Variants in SGCZ observed in about 807,000 individuals in gnomAD.
SGCZ encodes zeta-sarcoglycan.
SGCZ carries 40 observed loss-of-function variants against 41.3 expected under a neutral mutation model. That is an observed-to-expected ratio of 0.97 (90% CI 0.75 to 1.26). SGCZ has a LOEUF of 1.26. SGCZ is among the 50% of genes most tolerant of loss of function. The probability of loss-of-function intolerance (pLI) is 0.00; values close to 1 mark genes in which losing one functional copy is unlikely to be tolerated. For synonymous variants in SGCZ, 206 were observed against 137.5 expected (o/e 1.50, Z -3.49); for missense variants, 552 against 369.8 (o/e 1.49, Z -4.04).
chr8:14,330,479 T>G (rs1361599063), intron 2 of SGCZ, among the ~76,000 whole-genome samples: 2 of 152,098 alleles, frequency 1.3e-5, no homozygotes, highest in Non-Finnish European at 2.9e-5. Flanking sequence ...AAGAAATACT[T>G]ATTGGAATTT....
intron 1 of SGCZ, among the ~76,000 whole-genome samples, chr8:14,898,722 G>A (rs1237814346): frequency 2.6e-5 from 4 of 152,168 alleles, no homozygotes; most frequent in African/African-American, 9.7e-5. Context: ...TGGTTTGAAA[G>A]AGCAAGCAAA....
chr8:15,049,786 C>T (rs1804447507), intron 1 of SGCZ, among the ~76,000 whole-genome samples: 1 of 152,008 alleles, frequency 6.6e-6, no homozygotes, highest in Admixed American at 6.6e-5. Context: ...AGGCAATTCC[C>T]CCATACTGTT....
chr8:14,845,951 C>A (rs1803086324), intron 1 of SGCZ, among the ~76,000 whole-genome samples: 1 of 152,048 alleles, frequency 6.6e-6, no homozygotes, highest in Admixed American at 6.6e-5. Context: ...GATAAAAATG[C>A]ATTTCTTGAT....
At chr8:14,730,434 C>A (rs116046865) in intron 1 of SGCZ, among the ~76,000 whole-genome samples, 1 of 150,618 alleles carries the variant, frequency 6.6e-6, no homozygotes, top group Non-Finnish European at 1.5e-5. Flanking sequence ...GCAACCTGCT[C>A]TTGTATGTTC....
At chr8:14,905,705 G>C (rs1173005218) in intron 1 of SGCZ, among the ~76,000 whole-genome samples, 1 of 151,782 alleles carries the variant, frequency 6.6e-6, no homozygotes, top group East Asian at 1.9e-4. Context: ...CGTAAGTGAA[G>C]ATATACATAG....
chr8:14,460,958 C>T (rs1362124064), intron 2 of SGCZ, among the ~76,000 whole-genome samples: 4 of 152,096 alleles, frequency 2.6e-5, no homozygotes, highest in Non-Finnish European at 4.4e-5. Context: ...AGATCCTGAA[C>T]CTAGATTTTG....
rs1809058110 is a variant in SGCZ, at chr8:14,699,176, TAC to T, written c.40-144252_40-144251del. ...AACAGAGGGTATATAAATATGTATA[TAC>T]ACACACATATATACACATATATAAT... On this transcript the variant is annotated intron_variant, in intron 1 of 7. Coordinates refer to ENST00000382080, the MANE Select transcript of SGCZ (RefSeq NM_139167.4). Among the ~76,000 whole-genome samples the T allele has an allele frequency of 4.6e-5, 7 of 150,668 alleles. 1 individual carries two copies. The Admixed American group carries it at 4.6e-4, about 10-fold the overall frequency.
At chr8:14,479,459 A>G (rs1801460049) in intron 2 of SGCZ, among the ~76,000 whole-genome samples, 1 of 152,082 alleles carries the variant, frequency 6.6e-6, no homozygotes, top group Admixed American at 6.6e-5. Context: ...TCACTGACAA[A>G]GGTTAACCTC....
chr8:14,157,843 T>C (rs1240767362), intron 5 of SGCZ, among the ~76,000 whole-genome samples: 1 of 152,138 alleles, frequency 6.6e-6, no homozygotes, highest in Non-Finnish European at 1.5e-5. Flanking sequence ...ACTGAAGACA[T>C]AGACATATGA....
intron 2 of SGCZ, among the ~76,000 whole-genome samples, chr8:14,378,884 A>G (rs887837467): frequency 1.3e-5 from 2 of 152,156 alleles, no homozygotes; most frequent in African/African-American, 4.8e-5. Context: ...ATATTAACAG[A>G]CCTAAAAAAA....
intron 2 of SGCZ, among the ~76,000 whole-genome samples, chr8:14,540,279 AATT>A (rs1411779862): frequency 1.0e-5 from 1 of 100,090 alleles, no homozygotes; most frequent in Non-Finnish European, 2.1e-5. Flanking sequence ...TAGGTTTATA[AATT>A]ATTATCAATC....
At position 14,433,649 on chromosome 8, in the gene SGCZ, AT is replaced by A. The variant is rs1355477347; in HGVS notation, c.235-109446del. 2.6e-5 allele frequency among the ~76,000 whole-genome samples: 4 copies of A among 152,294 alleles called. No individual in the cohort carries two copies. In the East Asian group the frequency reaches 7.7e-4, roughly 29 times the overall value. On this transcript the variant is annotated intron_variant, in intron 2 of 7. Coordinates refer to ENST00000382080, the MANE Select transcript of SGCZ (RefSeq NM_139167.4). ...ACCCTTTTCCTATTTAGAAAAAAAA[AT>A]AAAAAAGGTGCAGCTTGTTGCCAAT...
intron 4 of SGCZ, among the ~76,000 whole-genome samples, chr8:14,224,002 C>T (rs1343652129): frequency 2.6e-5 from 4 of 152,122 alleles, no homozygotes; most frequent in African/African-American, 9.7e-5. Flanking sequence ...AACGGAGGCA[C>T]AGAGAAGTCA....
intron 2 of SGCZ, among the ~76,000 whole-genome samples, chr8:14,539,595 A>T (rs1803398320): frequency 6.6e-6 from 1 of 151,922 alleles, no homozygotes; most frequent in Non-Finnish European, 1.5e-5. Flanking sequence ...TTTGTTACAT[A>T]GGTAAACTTG....
chr8:14,093,318 T>A (rs1801745147), intron 7 of SGCZ, among the ~76,000 whole-genome samples: 1 of 152,022 alleles, frequency 6.6e-6, no homozygotes, highest in Non-Finnish European at 1.5e-5. Flanking sequence ...AGAGTGAACT[T>A]TTAAGAAACG....
At chr8:14,994,386 C>A (rs2130900369) in intron 1 of SGCZ, among the ~76,000 whole-genome samples, 2 of 152,202 alleles carry the variant, frequency 1.3e-5, no homozygotes, top group Admixed American at 6.5e-5. Context: ...GAGTTCGAAA[C>A]CAGCCTGGAC....
At chr8:14,921,323 C>G (rs1585380614) in intron 1 of SGCZ, among the ~76,000 whole-genome samples, 1 of 151,942 alleles carries the variant, frequency 6.6e-6, no homozygotes, top group South Asian at 2.1e-4. Flanking sequence ...GATTTTGAAC[C>G]CTGAAGTCAG....
At chr8:15,093,206 C>A (rs572004126) in intron 1 of SGCZ, among the ~76,000 whole-genome samples, 2 of 152,158 alleles carry the variant, frequency 1.3e-5, no homozygotes, top group African/African-American at 4.8e-5. Context: ...TGATAAAGAA[C>A]ATTTGTATAG....
chr8:14,989,560 G>T (rs899278477), intron 1 of SGCZ, among the ~76,000 whole-genome samples: 1 of 151,740 alleles, frequency 6.6e-6, no homozygotes, highest in Non-Finnish European at 1.5e-5. Flanking sequence ...GGTAAGCAAC[G>T]TGCTCAGAGC....
Sources: gnomAD v4.1 joint callset for allele counts (sites outside exome capture counted in the v4.1 genomes callset) on GRCh38, gnomAD v4.1.1 for gene constraint, MANE v1.5 for transcripts, NCBI Gene and HGNC (gene_info 2026-07-23, HGNC 2026-07-21) for gene names.